GALNT13: variants seen among roughly 807,000 people sequenced by gnomAD.
The protein encoded by GALNT13 is UDP-GalNAc:polypeptide N-acetylgalactosaminyltransferase 13.
In GALNT13, 28 loss-of-function variants were observed where a neutral mutation model predicts 64.2. The observed-to-expected ratio is 0.44, with a 90% CI of 0.32 to 0.60. The LOEUF is 0.60. GALNT13 is among the 20% of genes least tolerant of loss of function. GALNT13 has a pLI of 0.05. For missense variants in GALNT13, 577 were observed against 669.8 expected (o/e 0.86, Z 1.53); for synonymous variants, 214 against 224.6 (o/e 0.95, Z 0.42).
chr2:153,785,784 G>C, the GALNT13 span, among the ~76,000 whole-genome samples: 1 of 152,086 alleles, frequency 6.6e-6, no homozygotes, highest in Non-Finnish European at 1.5e-5. Flanking sequence ...CTGTGACAGA[G>C]CTCCCAGTGT....
chr2:153,620,330 G>T, the GALNT13 span, among the ~76,000 whole-genome samples: 1 of 151,876 alleles, frequency 6.6e-6, no homozygotes, highest in Non-Finnish European at 1.5e-5. Flanking sequence ...CACCATGTTG[G>T]TCAGGCTGGT....
intron 9 of GALNT13, among the ~76,000 whole-genome samples, chr2:154,345,085 A>G (rs707026): frequency 0.89 from 135,926 of 151,984 alleles, 61,140 homozygotes; most frequent in South Asian, 0.95. Flanking sequence ...CAACAAGGAC[A>G]GAAATTCTTA....
At chr2:153,368,005 C>G in the GALNT13 span, among the ~76,000 whole-genome samples, 2 of 151,724 alleles carry the variant, frequency 1.3e-5, no homozygotes, top group Non-Finnish European at 2.9e-5. Context: ...CCAGTTAAAG[C>G]GTAAAGATTG....
chr2:154,333,966 G>T (rs2348924), intron 9 of GALNT13, among the ~76,000 whole-genome samples: 30,124 of 151,862 alleles, frequency 0.2, 3,421 homozygotes, highest in Middle Eastern at 0.36. Flanking sequence ...TACAATTGTC[G>T]TAACTTGCAA....
At chr2:153,859,840 A>T in the GALNT13 span, among the ~76,000 whole-genome samples, 1 of 152,156 alleles carries the variant, frequency 6.6e-6, no homozygotes, top group Non-Finnish European at 1.5e-5. Context: ...ACTTGTAGTA[A>T]ATACTACCAT....
intron 1 of GALNT13, among the ~76,000 whole-genome samples, chr2:153,892,873 A>G (rs1428393876): frequency 1.3e-5 from 2 of 152,026 alleles, no homozygotes; most frequent in African/African-American, 4.8e-5. Flanking sequence ...CATGACAAAA[A>G]CATTCTTTAA....
At chr2:154,151,248 G>T (rs957221003) in intron 4 of GALNT13, among the ~76,000 whole-genome samples, 1 of 152,106 alleles carries the variant, frequency 6.6e-6, no homozygotes, top group Admixed American at 6.5e-5. Flanking sequence ...TTTTGAGTGC[G>T]TTTTTTAATC....
At chr2:153,275,317 G>A in the GALNT13 span, among the ~76,000 whole-genome samples, 1 of 152,094 alleles carries the variant, frequency 6.6e-6, no homozygotes, top group Non-Finnish European at 1.5e-5. Context: ...GTTTGAAGGT[G>A]TCTCCTCCAC....
chr2:153,187,232 C>T, the GALNT13 span, among the ~76,000 whole-genome samples: 1 of 152,308 alleles, frequency 6.6e-6, no homozygotes, highest in East Asian at 1.9e-4. Context: ...AGAACACAGG[C>T]AGTCTAGCCA....
At chr2:153,475,612 G>A in the GALNT13 span, among the ~76,000 whole-genome samples, 1 of 152,162 alleles carries the variant, frequency 6.6e-6, no homozygotes, top group African/African-American at 2.4e-5. Flanking sequence ...ATTTAAAATT[G>A]ACCTGTAGGT....
chr2:153,746,986 G>C, the GALNT13 span, among the ~76,000 whole-genome samples: 1 of 151,972 alleles, frequency 6.6e-6, no homozygotes, highest in Admixed American at 6.6e-5. Context: ...AATTCGATAT[G>C]AGTCCTTTGT....
At chr2:153,426,849 T>C in the GALNT13 span, among the ~76,000 whole-genome samples, 1 of 152,022 alleles carries the variant, frequency 6.6e-6, no homozygotes, top group East Asian at 1.9e-4. Context: ...GTAGGCTACA[T>C]TGTGAAGATA....
the GALNT13 span, among the ~76,000 whole-genome samples, chr2:153,361,714 T>A: frequency 6.6e-6 from 1 of 151,994 alleles, no homozygotes; most frequent in Non-Finnish European, 1.5e-5. Context: ...CTGAGAAATA[T>A]GGGACTATGT....
chr2:153,728,847 A>T, the GALNT13 span, among the ~76,000 whole-genome samples: 1 of 152,228 alleles, frequency 6.6e-6, no homozygotes, highest in Admixed American at 6.5e-5. Context: ...CCATCAGAGA[A>T]TACTATAAAC....
chr2:153,093,907 G>A, the GALNT13 span, among the ~76,000 whole-genome samples: 1 of 152,082 alleles, frequency 6.6e-6, no homozygotes, highest in African/African-American at 2.4e-5. Context: ...AATCTTGCTA[G>A]GTTGTGTGTA....
At chr2:153,978,815 A>G (rs1694251708) in intron 3 of GALNT13, among the ~76,000 whole-genome samples, 4 of 152,138 alleles carry the variant, frequency 2.6e-5, no homozygotes. Flanking sequence ...TCACACAGGC[A>G]GTCCCAGCTA....
At chr2:153,403,320 G>C in the GALNT13 span, among the ~76,000 whole-genome samples, 4 of 151,848 alleles carry the variant, frequency 2.6e-5, no homozygotes, top group African/African-American at 9.7e-5. Flanking sequence ...GAGAACCACT[G>C]CTCTCTTCAA....
rs568530459 is a variant in GALNT13 at position 154,171,391 on chromosome 2, C to G, written c.311+30886C>G. On this transcript the variant is annotated intron_variant, in intron 4 of 12. Coordinates refer to ENST00000392825, the MANE Select transcript of GALNT13 (RefSeq NM_052917.4). ...GAACGACAATATGTAGAAAAGCATG[C>G]TATAAATTTGTGTGTTTTCAATTTA... 1.1e-4 allele frequency among the ~76,000 whole-genome samples: 16 copies of G among 152,200 alleles called. No homozygotes were observed. In the East Asian group the frequency reaches 1.7e-3, roughly 17 times the overall value.
At chr2:153,677,592 G>T in the GALNT13 span, among the ~76,000 whole-genome samples, 31 of 151,878 alleles carry the variant, frequency 2.0e-4, no homozygotes, top group Non-Finnish European at 4.6e-4. Context: ...AAAAAAGCCT[G>T]AATATCCAAG....
Sources: gnomAD v4.1 joint callset for allele counts (sites outside exome capture counted in the v4.1 genomes callset) on GRCh38, gnomAD v4.1.1 for gene constraint, MANE v1.5 for transcripts, NCBI Gene and HGNC (gene_info 2026-07-23, HGNC 2026-07-21) for gene names.